DECR1: variants seen among roughly 807,000 people sequenced by gnomAD.
DECR1 encodes the protein 2,4-dienoyl-CoA reductase [(3E)-enoyl-CoA-producing], mitochondrial.
DECR1 carries 44 observed loss-of-function variants against 38.8 expected under a neutral mutation model. That is an observed-to-expected ratio of 1.13 (90% confidence interval 0.89 to 1.46). The LOEUF (loss-of-function observed/expected upper bound fraction) is 1.46. Ranked by LOEUF, DECR1 falls within the 40% of genes most tolerant of loss-of-function variation. The probability of loss-of-function intolerance (pLI) is 0.00; values close to 1 mark genes in which losing one functional copy is unlikely to be tolerated. For synonymous variants in DECR1, 148 were observed against 135.2 expected (o/e 1.09, Z -0.66); for missense variants, 428 against 405.5 (o/e 1.06, Z -0.48).
intron 1 of DECR1, 68 bp from the exon 2 acceptor site, chr8:90,017,056 G>C: frequency 8.9e-7 from 1 of 1,119,904 alleles, no homozygotes; most frequent in Non-Finnish European, 1.3e-6. Flanking sequence ...TCAAGAGCAT[G>C]TTTTAAAAAA....
rs759387645 is a variant in DECR1 at position 90,052,080 on chromosome 8, C to T, written c.*183C>T. ...AAAGATAAATAAAATGAAATATAGT[C>T]CTTCAAAACATTAAAAAAAAAAAAA... On this transcript the variant is annotated 3_prime_UTR_variant, in exon 10 of 10. Coordinates refer to ENST00000220764, the MANE Select transcript of DECR1 (RefSeq NM_001359.2). 1.3e-5 allele frequency: 7 copies of T among 534,530 alleles called. No homozygotes were observed. Among genetic ancestry groups the T allele is most frequent in the Non-Finnish European group, 1.6e-5 (5 of 313,640 alleles). 33.1% of individuals were successfully genotyped at this position (534,530 alleles called of 1,614,324 possible).
In DECR1 at chr8:90,035,113, A is replaced by G. The variant is rs150229066; in HGVS notation, c.566-1728A>G. On this transcript the variant is annotated intron_variant, in intron 5 of 9. Coordinates refer to ENST00000220764, the MANE Select transcript of DECR1 (RefSeq NM_001359.2). ...TTTTTGTCTGTGTTTGTGTATTTTT[A>G]TTGCTTATTTTTACCTTTGGCTGCA... 9.2e-5 allele frequency among the ~76,000 whole-genome samples: 14 copies of G among 152,068 alleles called. No homozygotes were observed. The East Asian group carries it at 2.7e-3, about 29-fold the overall frequency.
chr8:90,006,168 T>A, intron 1 of DECR1: 1 of 703,438 alleles, frequency 1.4e-6, no homozygotes, highest in East Asian at 2.7e-5. Context: ...CAAACATCCT[T>A]AGCAGGTTGA....
rs1390834658 is a variant in DECR1, at chr8:90,046,031, T to C, written c.885+1036T>C. Among the ~76,000 whole-genome samples, 3 of 152,200 alleles carry C rather than the reference T, an allele frequency of 2.0e-5. No homozygotes were observed. In the South Asian group the frequency reaches 6.2e-4, roughly 31 times the overall value. Reference sequence around the variant, plus strand: ...GACATCCACACCAAAACCCCGTTTGTATGTCACCATCACGAAAGACCAAAG... The same window carrying C: ...GACATCCACACCAAAACCCCGTTTGCATGTCACCATCACGAAAGACCAAAG... On this transcript the variant is annotated intron_variant, in intron 8 of 9. Transcript: ENST00000220764.
chr8:90,031,176 G>A (rs890812811), intron 5 of DECR1, among the ~76,000 whole-genome samples: 1 of 152,042 alleles, frequency 6.6e-6, no homozygotes, highest in African/African-American at 2.4e-5. Flanking sequence ...TGCTGTGCCT[G>A]TCTTTTCTGT....
In DECR1 at chr8:90,044,837, T is replaced by G. The variant is rs201871108; in HGVS notation, c.739-12T>G. 2.4e-3 allele frequency: 3,849 copies of G among 1,600,522 alleles called. 13 individuals carry two copies. Among genetic ancestry groups the G allele is most frequent in the Non-Finnish European group, 2.7e-3 (3,148 of 1,175,082 alleles). ...AACCCGACACAACCTAATTGTTTTC[T>G]TAATTTCTAAGGGTGCCTTTAGCCG... On this transcript the variant is annotated splice_polypyrimidine_tract_variant and intron_variant, in intron 7 of 9. Coordinates refer to ENST00000220764, the MANE Select transcript of DECR1 (RefSeq NM_001359.2).
intron 6 of DECR1, among the ~76,000 whole-genome samples, chr8:90,037,582 G>A (rs1813645569): frequency 2.0e-5 from 3 of 151,998 alleles, no homozygotes; most frequent in African/African-American, 7.2e-5. Context: ...AAGTAGCTGG[G>A]ACTACAAGCA....
chr8:90,050,900 G>C (rs1028453597), intron 8 of DECR1, among the ~76,000 whole-genome samples: 1 of 152,076 alleles, frequency 6.6e-6, no homozygotes, highest in African/African-American at 2.4e-5. Flanking sequence ...TGGAAACCAT[G>C]ATTCTGAGCA....
Position 90,013,274 on chromosome 8 carries a change from T to C in DECR1, c.70-3850T>C, listed in dbSNP as rs1812929342. Among the ~76,000 whole-genome samples, 3 of 152,276 alleles carry C rather than the reference T, an allele frequency of 2.0e-5. No individual in the cohort carries two copies. In the South Asian group the frequency reaches 6.2e-4, roughly 32 times the overall value. ...AGAGACTATTATTGTATGAGTTTTA[T>C]ATATTTGAAACTGGATCTTCTTAAT... On this transcript the variant is annotated intron_variant, in intron 1 of 9. Coordinates refer to ENST00000220764, the MANE Select transcript of DECR1 (RefSeq NM_001359.2).
At chr8:90,007,148 A>T (rs931123220) in intron 1 of DECR1, among the ~76,000 whole-genome samples, 1 of 152,150 alleles carries the variant, frequency 6.6e-6, no homozygotes, top group Non-Finnish European at 1.5e-5. Flanking sequence ...TTGTGTAAAG[A>T]CAGGAAAGTA....
rs1247469456 is a variant in DECR1, at chr8:90,001,561, G to C, written c.69G>C (p.Arg23Ser). The C allele has an allele frequency of 7.4e-6, 12 of 1,611,960 alleles. No individual in the cohort carries two copies. In the Admixed American group the frequency reaches 8.3e-5, roughly 11 times the overall value. Reference sequence around the variant, plus strand: ...TGCCCTGTGGCCTCGCTCCTCGGAGGGTAAGGCGGCCGGGGGCGCGGGGAG... The same window carrying C: ...TGCCCTGTGGCCTCGCTCCTCGGAGCGTAAGGCGGCCGGGGGCGCGGGGAG... ...SRLPCGLAPR[R>S]FFSYGTKILY... Residue 23 changes from arginine to serine, a missense_variant and splice_region_variant, in exon 1 of 10, where the codon AGG becomes AGC. Arg to Ser is a moderately radical substitution (Grantham distance 110). Coordinates refer to ENST00000220764, the MANE Select transcript of DECR1 (RefSeq NM_001359.2).
At chr8:90,037,951 C>A (rs1015545625) in intron 6 of DECR1, among the ~76,000 whole-genome samples, 6 of 152,152 alleles carry the variant, frequency 3.9e-5, no homozygotes, top group African/African-American at 1.4e-4. Flanking sequence ...ACGACACTCC[C>A]CAGCTAAAAA....
chr8:90,017,404 GC>G, intron 2 of DECR1, 78 bp downstream of exon 2: 1 of 1,090,688 alleles, frequency 9.2e-7, no homozygotes, highest in Non-Finnish European at 1.3e-6. Flanking sequence ...AACACTGTTC[GC>G]CAGAGTTGTT....
intron 1 of DECR1, chr8:90,003,221 A>G (rs1169720481): frequency 6.6e-6 from 1 of 152,184 alleles, no homozygotes; most frequent in Non-Finnish European, 1.5e-5. Context: ...AGGGAACATC[A>G]TGTTTTTGTG....
At chr8:90,036,116 CTT>C (rs1489509518) in intron 5 of DECR1, among the ~76,000 whole-genome samples, 1 of 152,122 alleles carries the variant, frequency 6.6e-6, no homozygotes, top group Non-Finnish European at 1.5e-5. Flanking sequence ...TCTAAAGACT[CTT>C]TGAGACTCCA....
chr8:90,035,127 C>T (rs1307563565), intron 5 of DECR1, among the ~76,000 whole-genome samples: 1 of 151,964 alleles, frequency 6.6e-6, no homozygotes, highest in Admixed American at 6.6e-5. Flanking sequence ...CTTATTTTTA[C>T]CTTTGGCTGC....
chr8:90,015,087 T>G, intron 1 of DECR1, among the ~76,000 whole-genome samples: 1 of 152,146 alleles, frequency 6.6e-6, no homozygotes, highest in East Asian at 1.9e-4. Flanking sequence ...TTCAGTAACT[T>G]TTTTTCTGCT....
chr8:90,019,904 T>C (rs911957467), intron 4 of DECR1, among the ~76,000 whole-genome samples: 1 of 152,254 alleles, frequency 6.6e-6, no homozygotes, highest in African/African-American at 2.4e-5. Context: ...GATTTCACTT[T>C]ATTTAATAAG....
At chr8:90,045,677 G>C (rs909854638) in intron 8 of DECR1, among the ~76,000 whole-genome samples, 1 of 152,208 alleles carries the variant, frequency 6.6e-6, no homozygotes, top group African/African-American at 2.4e-5. Context: ...CAGCTTTGAA[G>C]AGAGTAGTGG....
Sources: gnomAD v4.1 joint callset for allele counts (sites outside exome capture counted in the v4.1 genomes callset) on GRCh38, gnomAD v4.1.1 for gene constraint, MANE v1.5 for transcripts, NCBI Gene and HGNC (gene_info 2026-07-23, HGNC 2026-07-21) for gene names.